SOX5: variants seen among roughly 807,000 people sequenced by gnomAD.
SOX5 encodes transcription factor SOX-5.
SOX5 carries 9 observed loss-of-function variants against 92.0 expected under a neutral mutation model. The observed-to-expected ratio is 0.10, with a 90% CI of 0.06 to 0.17. SOX5 has a LOEUF of 0.17. Ranked by LOEUF, SOX5 falls within the 10% of genes least tolerant of loss-of-function variation. SOX5 has a pLI of 1.00. For synonymous variants in SOX5, 344 were observed against 336.3 expected, an observed-to-expected ratio of 1.02 and a Z score of -0.25; for missense variants, 642 against 944.5, an observed-to-expected ratio of 0.68 and a Z score of 4.20.
chr12:24,034,441 G>C (rs531855722), intron 4 of SOX5, among the ~76,000 whole-genome samples: 2 of 151,918 alleles, frequency 1.3e-5, no homozygotes, highest in East Asian at 1.9e-4. Context: ...TCCGACTGCC[G>C]TGCAGCTTTC....
At chr12:24,372,639 A>G (rs1288645912) in intron 1 of SOX5, among the ~76,000 whole-genome samples, 3 of 152,288 alleles carry the variant, frequency 2.0e-5, no homozygotes, top group South Asian at 4.1e-4. Flanking sequence ...CTTTGGGTAT[A>G]TACCCAGTAA....
intron 4 of SOX5, among the ~76,000 whole-genome samples, chr12:23,976,362 A>C (rs961227716): frequency 6.8e-6 from 1 of 147,812 alleles, no homozygotes; most frequent in Admixed American, 6.8e-5. Context: ...AAATACAGGT[A>C]AACACATTTC....
At chr12:23,685,623 T>C (rs1158279364) in intron 6 of SOX5, among the ~76,000 whole-genome samples, 1 of 150,214 alleles carries the variant, frequency 6.7e-6, no homozygotes, top group African/African-American at 2.5e-5. Flanking sequence ...TAAAAATCCT[T>C]TTTGTCCCCC....
rs577356164 is a variant in SOX5 at position 23,793,303 on chromosome 12, C to T, written c.482-37579G>A. ...AACATGCATTTATTAAGTGCCTACT[C>T]GGTGACATACACTCTGCTAGGCCTT... is the stretch of plus-strand genomic sequence containing the variant. On this transcript the variant is annotated intron_variant, in intron 3 of 14. Coordinates refer to ENST00000451604, the MANE Select transcript of SOX5 (RefSeq NM_006940.6). Among the ~76,000 whole-genome samples, 11 of 152,152 alleles carry T rather than the reference C, an allele frequency of 7.2e-5. No homozygotes were observed. In the East Asian group the frequency reaches 2.0e-3, roughly 27 times the overall value.
upstream of SOX5, chr12:23,949,751 T>TCC (rs1945256278): frequency 2.5e-6 from 2 of 786,830 alleles, no homozygotes; most frequent in Non-Finnish European, 1.9e-6. Context: ...TCTCTCTCTC[T>TCC]CCCTCTCTCT....
At chr12:24,409,634 C>G (rs539149678) in intron 1 of SOX5, among the ~76,000 whole-genome samples, 1 of 152,100 alleles carries the variant, frequency 6.6e-6, no homozygotes, top group African/African-American at 2.4e-5. Flanking sequence ...ACCTGTTTTG[C>G]AGAATTTTAC....
chr12:24,493,232 C>T (rs1290823411), intron 1 of SOX5, among the ~76,000 whole-genome samples: 1 of 152,014 alleles, frequency 6.6e-6, no homozygotes, highest in African/African-American at 2.4e-5. Context: ...AATTTGAAAT[C>T]GCTGGTTAAA....
intron 4 of SOX5, among the ~76,000 whole-genome samples, chr12:24,144,917 T>A (rs1382470771): frequency 6.6e-6 from 1 of 151,886 alleles, no homozygotes; most frequent in African/African-American, 2.4e-5. Context: ...GGAAATGGTA[T>A]CATATCTCTA....
intron 7 of SOX5, among the ~76,000 whole-genome samples, chr12:23,641,589 C>T (rs2080070094): frequency 6.6e-6 from 1 of 151,960 alleles, no homozygotes; most frequent in African/African-American, 2.4e-5. Context: ...TGTTATATGA[C>T]CTGTAAAAAT....
chr12:24,329,673 T>C (rs1416310306), intron 2 of SOX5, among the ~76,000 whole-genome samples: 2 of 152,202 alleles, frequency 1.3e-5, no homozygotes, highest in African/African-American at 4.8e-5. Context: ...TTTACAATAA[T>C]AAAATGGTTG....
chr12:23,697,805 C>T (rs1269479739), intron 6 of SOX5, among the ~76,000 whole-genome samples: 1 of 152,172 alleles, frequency 6.6e-6, no homozygotes, highest in Admixed American at 6.5e-5. Flanking sequence ...CCTGCCTTGG[C>T]CTCCCAAAGT....
chr12:23,948,266 A>T (rs2139760907), intron 1 of SOX5, among the ~76,000 whole-genome samples: 1 of 151,814 alleles, frequency 6.6e-6, no homozygotes, highest in South Asian at 2.1e-4. Flanking sequence ...GACAGCACCG[A>T]AGTATATGTG....
chr12:23,724,280 G>A (rs12315048), intron 6 of SOX5, among the ~76,000 whole-genome samples: 2 of 151,582 alleles, frequency 1.3e-5, no homozygotes, highest in African/African-American at 2.4e-5. Flanking sequence ...TAACACACAC[G>A]CATACACACA....
intron 1 of SOX5, among the ~76,000 whole-genome samples, chr12:24,514,721 C>A (rs1301959543): frequency 6.6e-6 from 1 of 152,128 alleles, no homozygotes; most frequent in Non-Finnish European, 1.5e-5. Flanking sequence ...TACTATGCAG[C>A]CATAAAAAGG....
At chr12:23,986,050 T>C (rs916882350) in intron 4 of SOX5, among the ~76,000 whole-genome samples, 1 of 152,162 alleles carries the variant, frequency 6.6e-6, no homozygotes, top group African/African-American at 2.4e-5. Flanking sequence ...AGATAATCTG[T>C]TTATTTAAGG....
At chr12:24,433,237 C>T (rs1271089706) in intron 1 of SOX5, among the ~76,000 whole-genome samples, 3 of 152,116 alleles carry the variant, frequency 2.0e-5, no homozygotes, top group Admixed American at 6.5e-5. Context: ...ATGTTTATAT[C>T]TTTGTTTTAA....
chr12:23,773,635 G>T (rs1594281259), intron 3 of SOX5, among the ~76,000 whole-genome samples: 1 of 152,064 alleles, frequency 6.6e-6, no homozygotes. Context: ...GCCTCCCACA[G>T]TACTGGGATT....
intron 2 of SOX5, among the ~76,000 whole-genome samples, chr12:24,286,214 A>AT (rs768812586): frequency 6.6e-6 from 1 of 152,218 alleles, no homozygotes; most frequent in Non-Finnish European, 1.5e-5. Flanking sequence ...TACAGTTAAT[A>AT]ATTGTAGTGT....
intron 1 of SOX5, among the ~76,000 whole-genome samples, chr12:24,500,746 C>A (rs112299689): frequency 4.6e-5 from 7 of 152,178 alleles, no homozygotes; most frequent in African/African-American, 1.7e-4. Context: ...TACCGCTGTT[C>A]CAACATGCAA....
Sources: gnomAD v4.1 joint callset for allele counts (sites outside exome capture counted in the v4.1 genomes callset) on GRCh38, gnomAD v4.1.1 for gene constraint, MANE v1.5 for transcripts, NCBI Gene and HGNC (gene_info 2026-07-23, HGNC 2026-07-21) for gene names.